TLL2: variants seen among roughly 807,000 people sequenced by gnomAD.
TLL2 encodes the protein tolloid-like protein 2.
Under a neutral mutation model 123.0 loss-of-function variants are expected in TLL2, and 106 were observed. The observed-to-expected ratio is 0.86, with a 90% CI of 0.74 to 1.01. The LOEUF is 1.01. Ranked by LOEUF, TLL2 falls within the 50% of genes least tolerant of loss-of-function variation. The pLI is 0.00. For missense variants in TLL2, 1,332 were observed against 1,336.7 expected (o/e 1.00, Z 0.06); for synonymous variants, 494 against 516.8 (o/e 0.96, Z 0.60).
At chr10:96,429,186 G>A (rs1283032285) in intron 4 of TLL2, among the ~76,000 whole-genome samples, 1 of 152,084 alleles carries the variant, frequency 6.6e-6, no homozygotes, top group Non-Finnish European at 1.5e-5. Flanking sequence ...ATACTGTATT[G>A]TTTACTTGAA....
intron 13 of TLL2, among the ~76,000 whole-genome samples, chr10:96,391,842 A>T (rs1162583221): frequency 6.6e-6 from 1 of 152,218 alleles, no homozygotes; most frequent in African/African-American, 2.4e-5. Context: ...AACCATAAAA[A>T]AGTCAAGCTG....
At chr10:96,400,820 C>T (rs2134065347) in intron 10 of TLL2, among the ~76,000 whole-genome samples, 1 of 152,286 alleles carries the variant, frequency 6.6e-6, no homozygotes. Context: ...ATTTACAGGA[C>T]AGAATTTAAG....
intron 20 of TLL2, among the ~76,000 whole-genome samples, chr10:96,369,106 T>TGAGC (rs1171438702): frequency 6.6e-6 from 1 of 152,214 alleles, no homozygotes; most frequent in Non-Finnish European, 1.5e-5. Flanking sequence ...CAAAGAAGCT[T>TGAGC]GAGCGACCGG....
At chr10:96,374,070 A>G (rs530399170) in intron 18 of TLL2, 5 of 470,770 alleles carry the variant, frequency 1.1e-5, no homozygotes, top group Non-Finnish European at 1.9e-5. Flanking sequence ...CAGATGAGAG[A>G]GCAGGGGTTC....
At chr10:96,394,865 T>G (rs1431307319) in intron 13 of TLL2, among the ~76,000 whole-genome samples, 1 of 152,246 alleles carries the variant, frequency 6.6e-6, no homozygotes, top group East Asian at 1.9e-4. Context: ...CAGTAGGTGA[T>G]CAATTAATGA....
chr10:96,371,818 C>A (rs151071360), intron 19 of TLL2, among the ~76,000 whole-genome samples: 1 of 152,124 alleles, frequency 6.6e-6, no homozygotes. Flanking sequence ...GGGAGGGAGG[C>A]GAGAGAAGCC....
intron 2 of TLL2, among the ~76,000 whole-genome samples, chr10:96,476,240 A>ATATATATATATATTTTTTTT: frequency 4.9e-5 from 1 of 20,500 alleles, no homozygotes. Flanking sequence ...ATATATATAT[A>ATATATATATATATTTTTTTT]TTTTATTTTT....
At chr10:96,489,829 G>T (rs758521304) in intron 1 of TLL2, among the ~76,000 whole-genome samples, 1 of 152,118 alleles carries the variant, frequency 6.6e-6, no homozygotes, top group Non-Finnish European at 1.5e-5. Flanking sequence ...GGGTGCAGTG[G>T]CTCACGCCTG....
intron 13 of TLL2, among the ~76,000 whole-genome samples, chr10:96,388,357 C>T (rs374487747): frequency 3.9e-5 from 6 of 151,954 alleles, no homozygotes; most frequent in South Asian, 2.1e-4. Flanking sequence ...GCTGAGATTG[C>T]GCCACTGCAC....
intron 11 of TLL2, 144 bp from the exon 12 acceptor site, chr10:96,396,164 A>C: frequency 1.1e-6 from 1 of 932,390 alleles, no homozygotes; most frequent in Non-Finnish European, 1.6e-6. Context: ...GCCCACAAAC[A>C]CCGCGCCTCC....
At chr10:96,436,123 T>C (rs1846793067) in intron 3 of TLL2, among the ~76,000 whole-genome samples, 1 of 152,222 alleles carries the variant, frequency 6.6e-6, no homozygotes, top group Non-Finnish European at 1.5e-5. Flanking sequence ...GCTTTATGTG[T>C]CATATATTCT....
intron 2 of TLL2, among the ~76,000 whole-genome samples, chr10:96,459,669 C>CAAAAAAAAA (rs1165594084): frequency 8.2e-5 from 2 of 24,446 alleles, no homozygotes; most frequent in Non-Finnish European, 1.3e-4. Flanking sequence ...GATCCTGTTT[C>CAAAAAAAAA]AAAAAAAAAA....
intron 7 of TLL2, 96 bp downstream of exon 7, chr10:96,420,860 A>C: frequency 9.7e-7 from 1 of 1,027,844 alleles, no homozygotes; most frequent in Non-Finnish European, 1.5e-6. Flanking sequence ...TGCTAGAAGC[A>C]TGCAGAGACC....
chr10:96,410,236 C>T, intron 9 of TLL2, 123 bp downstream of exon 9: 1 of 677,854 alleles, frequency 1.5e-6, no homozygotes, highest in South Asian at 1.9e-5. Flanking sequence ...AGCACCATGC[C>T]TGGCATACAG....
At chr10:96,414,642 C>T (rs1846536456) in intron 7 of TLL2, among the ~76,000 whole-genome samples, 2 of 152,174 alleles carry the variant, frequency 1.3e-5, no homozygotes, top group Admixed American at 1.3e-4. Flanking sequence ...TCCTCTGTTT[C>T]CAGCCCAGGA....
intron 16 of TLL2, among the ~76,000 whole-genome samples, chr10:96,380,703 A>G (rs1431670115): frequency 1.1e-4 from 4 of 35,894 alleles, no homozygotes; most frequent in South Asian, 1.7e-3. Context: ...AAAAAAAAAA[A>G]AAAAAAAAAA....
intron 2 of TLL2, among the ~76,000 whole-genome samples, chr10:96,478,272 TG>T (rs1237457815): frequency 3.3e-5 from 5 of 152,234 alleles, no homozygotes; most frequent in Non-Finnish European, 7.3e-5. Context: ...GCATTCTTGA[TG>T]GTGGGCCGGC....
intron 2 of TLL2, among the ~76,000 whole-genome samples, chr10:96,465,292 TG>T (rs1468888451): frequency 2.0e-5 from 3 of 152,174 alleles, no homozygotes; most frequent in African/African-American, 7.2e-5. Flanking sequence ...TAAAATGCAA[TG>T]GCCCGTTTGT....
chr10:96,451,108 G>A (rs913327195), intron 2 of TLL2, among the ~76,000 whole-genome samples: 9 of 152,156 alleles, frequency 5.9e-5, no homozygotes, highest in Non-Finnish European at 1.0e-4. Context: ...GCATGGGCCC[G>A]GCTGAAATGT....
Sources: allele counts gnomAD v4.1 joint callset (sites outside exome capture counted in the v4.1 genomes callset), GRCh38; gene constraint gnomAD v4.1.1; transcripts MANE v1.5; gene names NCBI Gene and HGNC (gene_info 2026-07-23, HGNC 2026-07-21).